ARHGAP6: variants seen among roughly 807,000 people sequenced by gnomAD.
The protein encoded by ARHGAP6 is rho GTPase-activating protein 6.
In ARHGAP6, 16 loss-of-function variants were observed where a neutral mutation model predicts 55.7. That is an observed-to-expected ratio of 0.29 (90% confidence interval 0.19 to 0.44). The LOEUF (loss-of-function observed/expected upper bound fraction) is 0.44, where lower values mean the gene tolerates loss of function less well. Ranked by LOEUF, ARHGAP6 falls within the 20% of genes least tolerant of loss-of-function variation. ARHGAP6 has a pLI of 1.00. For synonymous variants in ARHGAP6, 382 were observed against 360.9 expected (o/e 1.06, Z -0.66); for missense variants, 698 against 808.9 (o/e 0.86, Z 1.66).
intron 3 of ARHGAP6, among the ~76,000 whole-genome samples, chrX:11,195,959 CAAAAAAAAA>C (rs1024986729): frequency 3.6e-4 from 3 of 8,415 alleles, no homozygotes; most frequent in African/African-American, 6.0e-4. Context: ...ACTAAAAATA[CAAAAAAAAA>C]AAAAAAAAAA....
At chrX:11,357,324 T>C (rs763434239) in intron 1 of ARHGAP6, among the ~76,000 whole-genome samples, 1 of 112,206 alleles carries the variant, frequency 8.9e-6, no homozygotes, top group Admixed American at 9.4e-5. Flanking sequence ...TAATTCTTTA[T>C]AGACACTGGC....
intron 3 of ARHGAP6, among the ~76,000 whole-genome samples, chrX:11,193,440 C>G (rs1322815868): frequency 8.8e-6 from 1 of 113,086 alleles, no homozygotes; most frequent in Non-Finnish European, 1.9e-5. Context: ...TCCTCACACC[C>G]TGGTTCCCAG....
chrX:11,248,565 T>C (rs988363765), intron 2 of ARHGAP6, among the ~76,000 whole-genome samples: 3 of 110,816 alleles, frequency 2.7e-5, no homozygotes, highest in African/African-American at 6.6e-5. Flanking sequence ...TCAAACACAT[T>C]AGCAAGAAAA....
chrX:11,344,404 G>A (rs1424370124), intron 1 of ARHGAP6, among the ~76,000 whole-genome samples: 1 of 111,050 alleles, frequency 9.0e-6, no homozygotes, highest in East Asian at 2.8e-4. Context: ...CAGGCGCAGT[G>A]GCTCACGCCT....
At chrX:11,357,816 A>C (rs1307643354) in intron 1 of ARHGAP6, among the ~76,000 whole-genome samples, 2 of 112,160 alleles carry the variant, frequency 1.8e-5, no homozygotes, top group African/African-American at 3.2e-5. Context: ...GTGTGGATAG[A>C]AAAGCTAGAA....
At chrX:11,369,019 GT>G (rs2049114883) in intron 1 of ARHGAP6, among the ~76,000 whole-genome samples, 1 of 111,388 alleles carries the variant, frequency 9.0e-6, no homozygotes, top group African/African-American at 3.3e-5. Flanking sequence ...ATTATTCCTA[GT>G]GATCTTTTCC....
chrX:11,145,103 A>G (rs2045671687), intron 10 of ARHGAP6: 1 of 112,389 alleles, frequency 8.9e-6, no homozygotes, highest in Non-Finnish European at 1.9e-5. Flanking sequence ...ACCCTCCTCA[A>G]AACTGGCCCT....
intron 2 of ARHGAP6, among the ~76,000 whole-genome samples, chrX:11,252,347 G>C (rs774657283): frequency 1.8e-5 from 2 of 111,521 alleles, no homozygotes; most frequent in East Asian, 2.8e-4. Context: ...TTTTTCCTTA[G>C]GAATGAAAAG....
At chrX:11,467,081 T>A (rs748436768) in intron 1 of ARHGAP6, among the ~76,000 whole-genome samples, 1 of 111,494 alleles carries the variant, frequency 9.0e-6, no homozygotes, top group Admixed American at 9.5e-5. Context: ...CAGGATTCAG[T>A]GGACAAAATG....
chrX:11,187,061 A>G lies in ARHGAP6; in HGVS notation c.1078-630T>C, dbSNP rs140019157. Reference sequence around the variant, plus strand: ...GAGCTCTAGGAGACAGCTGTAGATCATGCACCTTAGAGCTATCCCTATCAA... The same window carrying G: ...GAGCTCTAGGAGACAGCTGTAGATCGTGCACCTTAGAGCTATCCCTATCAA... On this transcript the variant is annotated intron_variant, in intron 4 of 12. Transcript: ENST00000337414. 2.8e-3 allele frequency among the ~76,000 whole-genome samples: 315 copies of G among 111,253 alleles called. 1 individual carries two copies. Among genetic ancestry groups the G allele is most frequent in the African/African-American group, 1.0e-2 (305 of 30,565 alleles).
intron 1 of ARHGAP6, among the ~76,000 whole-genome samples, chrX:11,507,500 G>A (rs188347846): frequency 8.9e-6 from 1 of 112,083 alleles, no homozygotes; most frequent in East Asian, 2.8e-4. Context: ...TAAAAAAACA[G>A]CATAATTATT....
chrX:11,364,277 A>AATAT (rs2049047662), intron 1 of ARHGAP6, among the ~76,000 whole-genome samples: 2 of 110,175 alleles, frequency 1.8e-5, no homozygotes, highest in Non-Finnish European at 1.9e-5. Flanking sequence ...TGGTTGATGA[A>AATAT]ATAATCTCTA....
chrX:11,606,429 G>A (rs777467694), intron 1 of ARHGAP6, among the ~76,000 whole-genome samples: 33 of 111,658 alleles, frequency 3.0e-4, no homozygotes, highest in Non-Finnish European at 5.8e-4. Context: ...TCCACTTATT[G>A]ATAGTGTGTA....
chrX:11,378,044 T>C (rs913189159), intron 1 of ARHGAP6, among the ~76,000 whole-genome samples: 1 of 111,771 alleles, frequency 8.9e-6, no homozygotes, highest in African/African-American at 3.3e-5. Flanking sequence ...GGCTCTAGGC[T>C]GTGTGGCACA....
chrX:11,187,310 G>A (rs1488775206), intron 4 of ARHGAP6, among the ~76,000 whole-genome samples: 1 of 111,248 alleles, frequency 9.0e-6, no homozygotes, highest in Non-Finnish European at 1.9e-5. Context: ...CAGGGAAAGG[G>A]AGCAGGGCAC....
In ARHGAP6 at chrX:11,137,944, CAT is replaced by C. The variant is rs1242380398; in HGVS notation, c.*917_*918del. Reference sequence around the variant, plus strand: ...CTGATTATGGGGCAAAGGGAAAAAACATGTTCTATAATTTGAATATTCTGTGT... The same window carrying C: ...CTGATTATGGGGCAAAGGGAAAAAACGTTCTATAATTTGAATATTCTGTGT... On this transcript the variant is annotated 3_prime_UTR_variant, in exon 13 of 13. Transcript: ENST00000337414. 3.6e-5 allele frequency: 4 copies of C among 112,137 alleles called. No homozygotes were observed. The highest frequency in any genetic ancestry group is 1.3e-4 in the African/African-American group (4 of 30,870). 9.2% of individuals were successfully genotyped at this position (112,137 alleles called of 1,213,427 possible). A position where few individuals can be genotyped will look rare whatever the true frequency, so the allele number is the denominator to read the frequency against.
At chrX:11,354,544 G>C (rs927224868) in intron 1 of ARHGAP6, among the ~76,000 whole-genome samples, 1 of 108,348 alleles carries the variant, frequency 9.2e-6, no homozygotes, top group Non-Finnish European at 1.9e-5. Flanking sequence ...CTATGTAGAA[G>C]GATCCCCTGA....
At chrX:11,246,736 C>A (rs1342436887) in intron 2 of ARHGAP6, among the ~76,000 whole-genome samples, 1 of 111,839 alleles carries the variant, frequency 8.9e-6, no homozygotes, top group Admixed American at 9.4e-5. Flanking sequence ...ACAGTGGTCT[C>A]ATTATTCCGT....
intron 1 of ARHGAP6, among the ~76,000 whole-genome samples, chrX:11,660,980 T>C (rs1189143240): frequency 1.8e-5 from 2 of 111,774 alleles, no homozygotes; most frequent in African/African-American, 3.3e-5. Flanking sequence ...CTCATTAGAC[T>C]ATGAGCTCTT....
Sources: allele counts gnomAD v4.1 joint callset (sites outside exome capture counted in the v4.1 genomes callset), GRCh38; gene constraint gnomAD v4.1.1; transcripts MANE v1.5; gene names NCBI Gene and HGNC (gene_info 2026-07-23, HGNC 2026-07-21).